The following PLCB4 variants were observed in gnomAD, a reference collection of about 807,000 sequenced individuals.
PLCB4 encodes 1-phosphatidylinositol 4,5-bisphosphate phosphodiesterase beta-4.
Under a neutral mutation model 178.8 loss-of-function variants are expected in PLCB4, and 77 were observed. The observed-to-expected ratio is 0.43, with a 90% CI of 0.36 to 0.52. The LOEUF (loss-of-function observed/expected upper bound fraction) is 0.52. Among genes scored for constraint, PLCB4 ranks in the 20% least tolerant of loss-of-function variants. The pLI, the probability that PLCB4 is intolerant of heterozygous loss-of-function variation, is 0.00. For synonymous variants in PLCB4, 496 were observed against 490.8 expected (o/e 1.01, Z -0.14); for missense variants, 1,024 against 1,453.4 (o/e 0.70, Z 4.80).
intron 7 of PLCB4, among the ~76,000 whole-genome samples, chr20:9,352,852 A>G (rs1212159092): frequency 6.6e-6 from 1 of 152,212 alleles, no homozygotes; most frequent in Non-Finnish European, 1.5e-5. Context: ...TTTCAAATAC[A>G]GCCTCCCATG....
chr20:9,248,841 A>G (rs1252775447), intron 3 of PLCB4, among the ~76,000 whole-genome samples: 1 of 150,608 alleles, frequency 6.6e-6, no homozygotes, highest in Non-Finnish European at 1.5e-5. Context: ...AGTGACTTAA[A>G]ACAACACAAG....
At chr20:9,351,358 T>A (rs2034324430) in intron 7 of PLCB4, among the ~76,000 whole-genome samples, 1 of 152,186 alleles carries the variant, frequency 6.6e-6, no homozygotes, top group South Asian at 2.1e-4. Flanking sequence ...CCTAAACTTT[T>A]TTTTTAATTT....
chr20:9,145,995 A>T (rs2146900082), intron 2 of PLCB4, among the ~76,000 whole-genome samples: 1 of 152,202 alleles, frequency 6.6e-6, no homozygotes, highest in South Asian at 2.1e-4. Context: ...AAGAAACTCC[A>T]TGTTCTAGAG....
intron 2 of PLCB4, among the ~76,000 whole-genome samples, chr20:9,168,003 A>C (rs1343377096): frequency 6.6e-6 from 1 of 152,212 alleles, no homozygotes; most frequent in Non-Finnish European, 1.5e-5. Context: ...GTGCATGAAG[A>C]ACTTTCACAG....
intron 4 of PLCB4, among the ~76,000 whole-genome samples, chr20:9,333,549 C>T (rs1457878638): frequency 1.3e-5 from 2 of 152,138 alleles, no homozygotes; most frequent in East Asian, 1.9e-4. Flanking sequence ...GATCCCAGAT[C>T]GTTCAGGACC....
At chr20:9,301,141 G>A (rs1211234060) in intron 3 of PLCB4, among the ~76,000 whole-genome samples, 2 of 151,330 alleles carry the variant, frequency 1.3e-5, no homozygotes, top group Non-Finnish European at 2.9e-5. Flanking sequence ...GACATTTAGG[G>A]CCCACCTGGA....
intron 3 of PLCB4, among the ~76,000 whole-genome samples, chr20:9,273,971 A>G (rs980986556): frequency 6.6e-6 from 1 of 152,078 alleles, no homozygotes; most frequent in African/African-American, 2.4e-5. Context: ...CCAGGAAAGG[A>G]CGGATTAATA....
intron 29 of PLCB4, 73 bp downstream of exon 29, chr20:9,435,721 AG>A (rs1482064716): frequency 2.3e-5 from 20 of 868,058 alleles, no homozygotes; most frequent in Non-Finnish European, 3.8e-5. Context: ...TACAAAAACA[AG>A]ACAAAGTAAT....
chr20:9,463,247 A>G (rs955742599), intron 35 of PLCB4, among the ~76,000 whole-genome samples: 33 of 152,284 alleles, frequency 2.2e-4, no homozygotes, highest in Middle Eastern at 3.4e-3. Context: ...GGCCTGCCTT[A>G]TAAGAGCTCC....
chr20:9,437,761 T>A (rs1232302348), intron 30 of PLCB4, among the ~76,000 whole-genome samples: 1 of 152,162 alleles, frequency 6.6e-6, no homozygotes, highest in Non-Finnish European at 1.5e-5. Flanking sequence ...AAAGGAGTAT[T>A]TGAAGAAAAT....
At position 9,273,150 on chromosome 20, in the gene PLCB4, C is replaced by A. The variant is rs527810813; in HGVS notation, c.-15-34650C>A. On this transcript the variant is annotated intron_variant, in intron 3 of 39. Coordinates refer to ENST00000378473, the MANE Select transcript of PLCB4 (RefSeq NM_001377142.1). The stretch of plus-strand genomic sequence containing the variant: ...AGCATGCAGGAAGGATAATCATAGA[C>A]CTGCTTTTGCAAAGCGTACAATCAA... Among the ~76,000 whole-genome samples, 5 of 152,132 alleles carry A rather than the reference C, an allele frequency of 3.3e-5. No individual in the cohort carries two copies. The South Asian group carries it at 8.3e-4, about 25-fold the overall frequency.
At chr20:9,445,252 T>C (rs2042346225) in intron 32 of PLCB4, among the ~76,000 whole-genome samples, 1 of 152,224 alleles carries the variant, frequency 6.6e-6, no homozygotes, top group Non-Finnish European at 1.5e-5. Flanking sequence ...TAGGATAATG[T>C]CTGTCCTCTT....
intron 1 of PLCB4, among the ~76,000 whole-genome samples, chr20:9,073,614 T>C (rs2089680342): frequency 6.6e-6 from 1 of 152,220 alleles, no homozygotes; most frequent in Non-Finnish European, 1.5e-5. Context: ...CCAGGCATGC[T>C]GGCTCACACC....
intron 20 of PLCB4, among the ~76,000 whole-genome samples, chr20:9,402,253 A>T (rs1034808141): frequency 6.6e-6 from 1 of 152,256 alleles, no homozygotes; most frequent in Non-Finnish European, 1.5e-5. Flanking sequence ...CGCATGCTGA[A>T]GAATAATGAA....
chr20:9,405,537 T>A (rs994707998), intron 21 of PLCB4, among the ~76,000 whole-genome samples, 189 bp downstream of exon 21: 4 of 152,202 alleles, frequency 2.6e-5, no homozygotes, highest in African/African-American at 7.2e-5. Context: ...TCACTGGAAT[T>A]AGAGATTTCA....
intron 12 of PLCB4, among the ~76,000 whole-genome samples, chr20:9,376,738 A>G (rs985950285): frequency 6.6e-6 from 1 of 152,108 alleles, no homozygotes; most frequent in Admixed American, 6.5e-5. Flanking sequence ...TCTTACAAAG[A>G]TGATAACTAG....
intron 4 of PLCB4, among the ~76,000 whole-genome samples, chr20:9,331,250 G>A (rs541075111): frequency 8.5e-5 from 13 of 152,238 alleles, no homozygotes; most frequent in Admixed American, 2.6e-4. Context: ...ATTTCTCTAC[G>A]TCCTAATGTA....
intron 3 of PLCB4, among the ~76,000 whole-genome samples, chr20:9,223,296 G>C (rs889490305): frequency 6.6e-6 from 1 of 152,178 alleles, no homozygotes; most frequent in Non-Finnish European, 1.5e-5. Context: ...GAATTTTGCA[G>C]TACATGAAAT....
intron 4 of PLCB4, among the ~76,000 whole-genome samples, chr20:9,325,185 C>G (rs972530961): frequency 6.6e-6 from 1 of 152,136 alleles, no homozygotes; most frequent in African/African-American, 2.4e-5. Context: ...AAGCACGTCT[C>G]CTGTTTTTCT....
Sources: allele counts gnomAD v4.1 joint callset (sites outside exome capture counted in the v4.1 genomes callset), GRCh38; gene constraint gnomAD v4.1.1; transcripts MANE v1.5; gene names NCBI Gene and HGNC (gene_info 2026-07-23, HGNC 2026-07-21).